The following IL1RL2 variants were observed in gnomAD, a reference collection of about 807,000 sequenced individuals.
IL1RL2 encodes interleukin-1 receptor-like 2.
Under a neutral mutation model 66.8 loss-of-function variants are expected in IL1RL2, and 68 were observed. That is an observed-to-expected ratio of 1.02 (90% CI 0.84 to 1.25). The LOEUF (loss-of-function observed/expected upper bound fraction) is 1.25, where lower values mean the gene tolerates loss of function less well. Ranked by LOEUF, IL1RL2 falls within the 50% of genes most tolerant of loss-of-function variation. The probability of loss-of-function intolerance (pLI) is 0.00; values close to 1 mark genes in which losing one functional copy is unlikely to be tolerated. For missense variants in IL1RL2, 729 were observed against 709.3 expected, an observed-to-expected ratio of 1.03 and a Z score of -0.32; for synonymous variants, 305 against 264.6, an observed-to-expected ratio of 1.15 and a Z score of -1.48.
chr2:102,196,762 C>T (rs1687821320), intron 4 of IL1RL2, among the ~76,000 whole-genome samples: 1 of 152,036 alleles, frequency 6.6e-6, no homozygotes, highest in Non-Finnish European at 1.5e-5. Context: ...GGTGCAAAGG[C>T]GTTGGGTGAG....
chr2:102,199,610 T>C (rs1284341908), intron 4 of IL1RL2, among the ~76,000 whole-genome samples: 1 of 152,222 alleles, frequency 6.6e-6, no homozygotes, highest in Non-Finnish European at 1.5e-5. Flanking sequence ...GTTTAAACTT[T>C]GAAATAATGT....
chr2:102,213,342 C>T (rs529980839), intron 6 of IL1RL2, among the ~76,000 whole-genome samples: 12 of 152,098 alleles, frequency 7.9e-5, no homozygotes, highest in East Asian at 3.9e-4. Context: ...GGTATAATAA[C>T]GATACAGTAA....
At position 102,195,264 on chromosome 2, in the gene IL1RL2, T is replaced by G. The variant is rs565681062; in HGVS notation, c.489+3144T>G. 7.2e-5 allele frequency among the ~76,000 whole-genome samples: 11 copies of G among 152,346 alleles called. No homozygotes were observed. The Middle Eastern group carries it at 0.01, about 141-fold the overall frequency. On this transcript the variant is annotated intron_variant, in intron 4 of 11. Transcript: ENST00000264257. ...CTAGTTTTAATGCAGTCTGATGTAT[T>G]GATTTTCCTTTGTGATTAGTACTTT...
At chr2:102,227,611 C>T (rs917738582) in intron 9 of IL1RL2, among the ~76,000 whole-genome samples, 1 of 152,112 alleles carries the variant, frequency 6.6e-6, no homozygotes, top group Non-Finnish European at 1.5e-5. Context: ...GCAGAGGCCG[C>T]CCCGTCTAAG....
At chr2:102,211,918 A>ATTTTT (rs138145179) in intron 5 of IL1RL2, among the ~76,000 whole-genome samples, 182 bp from the exon 6 acceptor site, 2 of 150,188 alleles carry the variant, frequency 1.3e-5, no homozygotes, top group African/African-American at 2.5e-5. Flanking sequence ...CTTCTAGCTT[A>ATTTTT]TTTTTTTTTT....
chr2:102,220,168 A>G (rs935156753), intron 8 of IL1RL2, 151 bp downstream of exon 8: 6 of 592,436 alleles, frequency 1.0e-5, no homozygotes, highest in Middle Eastern at 3.1e-4. Flanking sequence ...GGAAAATCTC[A>G]TGCAACAGCT....
chr2:102,206,800 G>A (rs747907699), intron 5 of IL1RL2, among the ~76,000 whole-genome samples: 102 of 152,372 alleles, frequency 6.7e-4, no homozygotes, highest in Non-Finnish European at 1.1e-3. Context: ...AGCCAGGCCT[G>A]TGTCCCTCCC....
downstream of IL1RL2, among the ~76,000 whole-genome samples, chr2:102,241,368 ACTCCAGTCACAACTCAACCACTTG>A (rs1237163549): frequency 6.6e-6 from 1 of 151,862 alleles, no homozygotes; most frequent in East Asian, 1.9e-4. Context: ...GGGCCCCTGG[ACTCCAGTCACAACTCAACCACTTG>A]CTGAGGGAGT....
intron 5 of IL1RL2, among the ~76,000 whole-genome samples, chr2:102,205,502 A>G (rs1160951379): frequency 6.6e-6 from 1 of 152,130 alleles, no homozygotes. Context: ...TTCATGTTTG[A>G]AGGTTATTTT....
intron 8 of IL1RL2, among the ~76,000 whole-genome samples, chr2:102,223,162 GAGT>G (rs1206503292): frequency 5.9e-5 from 9 of 152,156 alleles, no homozygotes; most frequent in Non-Finnish European, 1.2e-4. Flanking sequence ...CTCAAATGTA[GAGT>G]ATTTTGGTTC....
In IL1RL2 at chr2:102,239,464, G is replaced by C; in HGVS notation, c.*223G>C. 1 of 493,314 alleles carries C rather than the reference G, an allele frequency of 2.0e-6. No homozygotes were observed. The highest frequency in any genetic ancestry group is 3.8e-6 in the Non-Finnish European group (1 of 266,280). The allele number at this position is 493,314 out of a possible 1,614,324, so 30.6% of individuals were successfully genotyped here. On this transcript the variant is annotated 3_prime_UTR_variant, in exon 12 of 12. Transcript: ENST00000264257. ...ATCCCCGTGGTCATGGAGGGTGAGA[G>C]CTGGGGGTTATCCCCATGGTCATGG...
intron 4 of IL1RL2, among the ~76,000 whole-genome samples, chr2:102,198,845 T>C (rs1688001272): frequency 6.6e-6 from 1 of 152,194 alleles, no homozygotes; most frequent in Admixed American, 6.5e-5. Context: ...TGGCTCCCAG[T>C]TCTCTTCCAC....
chr2:102,187,820 G>T, intron 1 of IL1RL2, 36 bp from the exon 2 acceptor site: 1 of 1,554,044 alleles, frequency 6.4e-7, no homozygotes, highest in Non-Finnish European at 8.9e-7. Flanking sequence ...GCCCTACTGC[G>T]TCCTCCCCTC....
chr2:102,231,574 T>TC (rs1559562281), intron 9 of IL1RL2, among the ~76,000 whole-genome samples: 1 of 152,030 alleles, frequency 6.6e-6, no homozygotes, highest in East Asian at 1.9e-4. Flanking sequence ...GTTTTTTTTT[T>TC]CAAGAACTCC....
chr2:102,241,198 G>A (rs1675222426), downstream of IL1RL2, among the ~76,000 whole-genome samples: 1 of 152,254 alleles, frequency 6.6e-6, no homozygotes, highest in Non-Finnish European at 1.5e-5. Context: ...CTGAGAAGGT[G>A]GAGATAGTGC....
intron 9 of IL1RL2, among the ~76,000 whole-genome samples, chr2:102,229,773 C>T (rs1258584350): frequency 6.6e-6 from 1 of 152,088 alleles, no homozygotes; most frequent in Non-Finnish European, 1.5e-5. Context: ...AAAAGATGAC[C>T]AAAAAATTGG....
intron 4 of IL1RL2, 73 bp downstream of exon 4, chr2:102,192,193 G>A: frequency 9.3e-7 from 1 of 1,071,850 alleles, no homozygotes; most frequent in South Asian, 1.7e-5. Context: ...AGGTTAAGTT[G>A]TATTTTTTAA....
At chr2:102,199,546 T>A (rs1688057191) in intron 4 of IL1RL2, among the ~76,000 whole-genome samples, 1 of 152,226 alleles carries the variant, frequency 6.6e-6, no homozygotes, top group South Asian at 2.1e-4. Flanking sequence ...TTTTAAATCT[T>A]GTTAGTGAGA....
chr2:102,225,966 T>C lies in IL1RL2; in HGVS notation c.1060T>C (p.Tyr354His), dbSNP rs1309022224. 1 of 1,611,510 alleles carries C rather than the reference T, an allele frequency of 6.2e-7. No individual in the cohort carries two copies. Among genetic ancestry groups the C allele is most frequent in the East Asian group, 2.2e-5 (1 of 44,652 alleles). ...GGTGGCTGTGGCTGTGTCTGTTGTG[T>C]ACATATACAACATTTTTAAGATCGA... ...ALVAVAVSVV[Y>H]IYNIFKIDIV... The change falls in exon 9 of 12, where the codon TAC (tyrosine) becomes CAC (histidine). Residue 354 changes from tyrosine (Y) to histidine (H), a missense_variant. Coordinates refer to ENST00000264257, the MANE Select transcript of IL1RL2 (RefSeq NM_003854.4).
Sources: gnomAD v4.1 joint callset for allele counts (sites outside exome capture counted in the v4.1 genomes callset) on GRCh38, gnomAD v4.1.1 for gene constraint, MANE v1.5 for transcripts, NCBI Gene and HGNC (gene_info 2026-07-23, HGNC 2026-07-21) for gene names.